Variants in RTCA observed in about 807,000 individuals in gnomAD.
The protein encoded by RTCA is RNA terminal phosphate cyclase domain 1.
In RTCA, 37 loss-of-function variants were observed where a neutral mutation model predicts 46.1. The observed-to-expected ratio is 0.80, with a 90% CI of 0.62 to 1.06. The LOEUF (loss-of-function observed/expected upper bound fraction) is 1.06. Ranked by LOEUF, RTCA falls within the 50% of genes least tolerant of loss-of-function variation. RTCA has a pLI of 0.00. For synonymous variants in RTCA, 164 were observed against 158.3 expected (o/e 1.04, Z -0.27); for missense variants, 435 against 455.5 (o/e 0.95, Z 0.41).
At chr1:100,278,747 G>T (rs1181108672) in intron 8 of RTCA, among the ~76,000 whole-genome samples, 1 of 152,196 alleles carries the variant, frequency 6.6e-6, no homozygotes, top group South Asian at 2.1e-4. Flanking sequence ...ATCTGATCAA[G>T]AGAATAAATA....
chr1:100,271,484 C>G (rs779460801), intron 4 of RTCA, among the ~76,000 whole-genome samples: 18 of 151,864 alleles, frequency 1.2e-4, no homozygotes, highest in Non-Finnish European at 2.4e-4. Context: ...CAAAAAACAC[C>G]TCGAGTGTGA....
intron 8 of RTCA, among the ~76,000 whole-genome samples, chr1:100,278,484 A>G (rs1435371580): frequency 6.6e-6 from 1 of 152,188 alleles, no homozygotes; most frequent in South Asian, 2.1e-4. Context: ...AAAAATGCTT[A>G]CCAAGCTGGG....
At chr1:100,273,751 G>A (rs1022888937) in intron 5 of RTCA, among the ~76,000 whole-genome samples, 2 of 152,232 alleles carry the variant, frequency 1.3e-5, no homozygotes, top group Non-Finnish European at 2.9e-5. Context: ...CTCACTGTGT[G>A]TAGACAACTG....
intron 8 of RTCA, among the ~76,000 whole-genome samples, chr1:100,280,153 A>G (rs541466413): frequency 5.8e-4 from 88 of 152,322 alleles, no homozygotes; most frequent in African/African-American, 1.9e-3. Flanking sequence ...GGGTATGGGA[A>G]GTGAGGAAGG....
intron 4 of RTCA, 152 bp downstream of exon 4, chr1:100,270,832 A>G: frequency 2.1e-6 from 2 of 972,406 alleles, no homozygotes; most frequent in Non-Finnish European, 3.0e-6. Flanking sequence ...TTTTTGAGAC[A>G]GTGCTGTTGC....
rs1386341579 is a variant in RTCA at position 100,268,820 on chromosome 1, C to T, written c.290+525C>T. On this transcript the variant is annotated intron_variant, in intron 3 of 10. Coordinates refer to ENST00000370128, the MANE Select transcript of RTCA (RefSeq NM_003729.4). Reference sequence around the variant, plus strand: ...TCTTTTGATAGCTAAGAGGCTATGTCGAATTCCCTTTCAAACTACTTATGA... The same window carrying T: ...TCTTTTGATAGCTAAGAGGCTATGTTGAATTCCCTTTCAAACTACTTATGA... Among the ~76,000 whole-genome samples the T allele has an allele frequency of 2.6e-5, 4 of 152,214 alleles. No individual in the cohort carries two copies. The South Asian group carries it at 6.2e-4, about 24-fold the overall frequency.
intron 4 of RTCA, among the ~76,000 whole-genome samples, 183 bp from the exon 5 acceptor site, chr1:100,273,211 T>C (rs1666192913): frequency 6.6e-6 from 1 of 152,216 alleles, no homozygotes; most frequent in Non-Finnish European, 1.5e-5. Context: ...TGTCAAACTT[T>C]TAAATTTAGC....
At chr1:100,283,935 G>GAA (rs763030720) in intron 8 of RTCA, among the ~76,000 whole-genome samples, 15,366 of 54,774 alleles carry the variant, frequency 0.28, 1,661 homozygotes, top group African/African-American at 0.36. Flanking sequence ...AAAAAAAAAA[G>GAA]AAAAAAAAAA....
At chr1:100,285,438 T>C in intron 9 of RTCA, 116 bp downstream of exon 9, 1 of 663,736 alleles carries the variant, frequency 1.5e-6, no homozygotes, top group Non-Finnish European at 2.6e-6. Flanking sequence ...CCTACTTCAA[T>C]AATTTAAAAA....
At chr1:100,287,268 A>G in intron 10 of RTCA, 65 bp downstream of exon 10, 1 of 1,162,924 alleles carries the variant, frequency 8.6e-7, no homozygotes, top group Non-Finnish European at 1.2e-6. Flanking sequence ...TTTGGGTTAA[A>G]TTTTAATAGG....
At chr1:100,279,817 A>AAGTGGATAAT (rs1483685473) in intron 8 of RTCA, among the ~76,000 whole-genome samples, 9 of 152,182 alleles carry the variant, frequency 5.9e-5, no homozygotes, top group Non-Finnish European at 1.2e-4. Flanking sequence ...AAGCAACTGC[A>AAGTGGATAAT]AGTGGATAAT....
chr1:100,267,900 T>A (rs758251766), intron 2 of RTCA, among the ~76,000 whole-genome samples: 3 of 152,164 alleles, frequency 2.0e-5, no homozygotes, highest in Non-Finnish European at 4.4e-5. Context: ...CACTTCTAAT[T>A]TGCAGCAATA....
chr1:100,291,359 C>T (rs757883972), intron 10 of RTCA, 44 bp from the exon 11 acceptor site: 1 of 1,296,940 alleles, frequency 7.7e-7, no homozygotes. Flanking sequence ...GCTCTTTCCT[C>T]CATCTCTCTT....
At chr1:100,275,019 T>C (rs1405477693) in intron 6 of RTCA, 54 bp downstream of exon 6, 8 of 1,461,374 alleles carry the variant, frequency 5.5e-6, no homozygotes, top group African/African-American at 2.8e-5. Context: ...TTGATAAATA[T>C]TATGTCAACT....
chr1:100,285,330 C>T lies in RTCA; in HGVS notation c.894+8C>T. ...GAGTATCTGCAAGACCAGGTAATGA[C>T]ACATTTAGGTTAAAAACCCTCTAAC... is the stretch of plus-strand genomic sequence containing the variant. On this transcript the variant is annotated splice_region_variant and intron_variant, in intron 9 of 10. Transcript: ENST00000370128. 6.3e-7 allele frequency: 1 copy of T among 1,596,528 alleles called. No homozygotes were observed.
chr1:100,277,374 A>G (rs369621049), intron 8 of RTCA, 58 bp downstream of exon 8: 5 of 1,414,296 alleles, frequency 3.5e-6, no homozygotes, highest in Admixed American at 2.1e-5. Flanking sequence ...TCTTTAATCC[A>G]TCAGGATTGG....
chr1:100,270,825 T>C, intron 4 of RTCA, 145 bp downstream of exon 4: 1 of 1,038,312 alleles, frequency 9.6e-7, no homozygotes, highest in African/African-American at 1.6e-5. Context: ...CTTTTTTTTT[T>C]TGAGACAGTG....
intron 6 of RTCA, 92 bp from the exon 7 acceptor site, chr1:100,275,507 A>G: frequency 1.1e-6 from 1 of 923,814 alleles, no homozygotes; most frequent in Non-Finnish European, 1.6e-6. Context: ...TGTAAAAGCT[A>G]CCAATTATTT....
At chr1:100,270,722 A>G in intron 4 of RTCA, 42 bp downstream of exon 4, 2 of 1,603,432 alleles carry the variant, frequency 1.2e-6, no homozygotes, top group Non-Finnish European at 1.7e-6. Context: ...GATCTCATAC[A>G]TGCTTCTGAG....
Sources: gnomAD v4.1 joint callset for allele counts (sites outside exome capture counted in the v4.1 genomes callset) on GRCh38, gnomAD v4.1.1 for gene constraint, MANE v1.5 for transcripts, NCBI Gene and HGNC (gene_info 2026-07-23, HGNC 2026-07-21) for gene names.